TRPM7: variants seen among roughly 807,000 people sequenced by gnomAD.
TRPM7 encodes the protein LTRPC ion channel family member 7.
A neutral mutation model predicts 229.7 loss-of-function variants in TRPM7; 134 were observed. That is an observed-to-expected ratio of 0.58 (90% CI 0.51 to 0.67). The LOEUF is 0.67. Ranked by LOEUF, TRPM7 falls within the 30% of genes least tolerant of loss-of-function variation. The pLI, the probability that TRPM7 is intolerant of heterozygous loss-of-function variation, is 0.00. For missense variants in TRPM7, 1,901 were observed against 2,210.0 expected (o/e 0.86, Z 2.80); for synonymous variants, 699 against 715.2 (o/e 0.98, Z 0.36).
At chr15:50,660,780 T>C (rs2140911021) in intron 2 of TRPM7, among the ~76,000 whole-genome samples, 1 of 152,322 alleles carries the variant, frequency 6.6e-6, no homozygotes, top group South Asian at 2.1e-4. Flanking sequence ...ATTCCTTTAA[T>C]ACTTTTCAAA....
chr15:50,646,703 A>T (rs1477290021), intron 4 of TRPM7, among the ~76,000 whole-genome samples: 1 of 152,198 alleles, frequency 6.6e-6, no homozygotes, highest in Non-Finnish European at 1.5e-5. Context: ...CAAATATTCC[A>T]AAGGTTCCTG....
intron 1 of TRPM7, among the ~76,000 whole-genome samples, chr15:50,675,327 G>C (rs1207409158): frequency 4.0e-5 from 6 of 149,872 alleles, no homozygotes; most frequent in Non-Finnish European, 7.4e-5. Context: ...CAGGCGACAA[G>C]AGCAAAATTC....
intron 1 of TRPM7, among the ~76,000 whole-genome samples, chr15:50,685,796 G>A (rs2062345869): frequency 6.6e-6 from 1 of 152,056 alleles, no homozygotes; most frequent in South Asian, 2.1e-4. Flanking sequence ...TCTCCATTCC[G>A]CACCTTTCGG....
rs545626307 is a variant in TRPM7 at position 50,669,963 on chromosome 15, G to A, written c.4-6917C>T. 5.3e-5 allele frequency among the ~76,000 whole-genome samples: 8 copies of A among 152,246 alleles called. No homozygotes were observed. In the South Asian group the frequency reaches 1.7e-3, roughly 32 times the overall value. On this transcript the variant is annotated intron_variant, in intron 1 of 38. Transcript: ENST00000646667. Reference sequence around the variant, plus strand: ...TTGCTTTACTGTTATGGAATACATTGCTGTTGTACTCTTTGTATAGGAATG... The same window carrying A: ...TTGCTTTACTGTTATGGAATACATTACTGTTGTACTCTTTGTATAGGAATG...
chr15:50,659,475 T>C (rs1321705503), intron 2 of TRPM7, among the ~76,000 whole-genome samples: 2 of 152,142 alleles, frequency 1.3e-5, no homozygotes, highest in South Asian at 4.1e-4. Context: ...CCTATTCATA[T>C]AAAATTAAGA....
chr15:50,564,779 T>C (rs184218739), intron 38 of TRPM7, among the ~76,000 whole-genome samples: 74 of 152,216 alleles, frequency 4.9e-4, no homozygotes, highest in African/African-American at 1.6e-3. Context: ...CCAAACATAT[T>C]TGCAACTATA....
chr15:50,668,843 G>T (rs2061935509), intron 1 of TRPM7, among the ~76,000 whole-genome samples: 1 of 152,120 alleles, frequency 6.6e-6, no homozygotes, highest in Admixed American at 6.6e-5. Context: ...GTAAGAATCG[G>T]TTTTCTCTTG....
intron 15 of TRPM7, 127 bp downstream of exon 15, chr15:50,613,580 C>A: frequency 7.4e-5 from 43 of 579,742 alleles, no homozygotes; most frequent in East Asian, 1.0e-4. Context: ...AATGACAATT[C>A]TAGGACATAT....
chr15:50,617,246 A>G (rs1245106745), intron 13 of TRPM7, among the ~76,000 whole-genome samples: 3 of 151,744 alleles, frequency 2.0e-5, no homozygotes, highest in African/African-American at 7.3e-5. Flanking sequence ...CTGATAGGAG[A>G]ATTGCTTGAA....
At chr15:50,613,501 C>CAAAAAA (rs67505794) in intron 15 of TRPM7, among the ~76,000 whole-genome samples, 2 of 62,820 alleles carry the variant, frequency 3.2e-5, no homozygotes, top group Non-Finnish European at 5.7e-5. Context: ...ACTCCTGTCT[C>CAAAAAA]AAAAAAAAAA....
At chr15:50,580,963 G>C in intron 29 of TRPM7, 55 bp from the exon 30 acceptor site, 2 of 1,535,836 alleles carry the variant, frequency 1.3e-6, no homozygotes, top group Non-Finnish European at 1.7e-6. Flanking sequence ...AAAATCTCTA[G>C]ATGAAGCATA....
chr15:50,625,096 T>G (rs10519283), intron 11 of TRPM7, among the ~76,000 whole-genome samples: 22,239 of 152,188 alleles, frequency 0.15, 2,213 homozygotes, highest in Admixed American at 0.28. Context: ...ATTGGTAAAT[T>G]AGTAGGGACA....
chr15:50,602,878 T>C (rs2140423699), intron 21 of TRPM7, among the ~76,000 whole-genome samples: 1 of 152,194 alleles, frequency 6.6e-6, no homozygotes, highest in South Asian at 2.1e-4. Context: ...CAGAGGGTGG[T>C]TCTAGAGAAG....
In TRPM7 at chr15:50,560,044, C is replaced by T. The variant is rs1335153785; in HGVS notation, c.*1634G>A. 1 of 146,566 alleles carries T rather than the reference C, an allele frequency of 6.8e-6. No individual in the cohort carries two copies. The highest frequency in any genetic ancestry group is 2.0e-4 in the East Asian group (1 of 5,002). 9.1% of individuals were successfully genotyped at this position (146,566 alleles called of 1,614,324 possible). On this transcript the variant is annotated 3_prime_UTR_variant, in exon 39 of 39. Transcript: ENST00000646667. ...AAAAAAAAAAAAAAAAGTATAGCTA[C>T]TATTATAATCCTGTGAAAATAATCA...
chr15:50,626,171 T>C (rs1408983377), intron 11 of TRPM7, among the ~76,000 whole-genome samples: 1 of 152,206 alleles, frequency 6.6e-6, no homozygotes, highest in Non-Finnish European at 1.5e-5. Flanking sequence ...ATGTGTTTTA[T>C]ATTGCCACTC....
intron 29 of TRPM7, 129 bp downstream of exon 29, chr15:50,582,960 A>C (rs1472309109): frequency 9.3e-6 from 5 of 540,064 alleles, no homozygotes; most frequent in Non-Finnish European, 6.0e-6. Flanking sequence ...ACTATGCTAA[A>C]GTCAGTTTTC....
chr15:50,603,329 T>G (rs1189020279), intron 21 of TRPM7, among the ~76,000 whole-genome samples: 1 of 151,886 alleles, frequency 6.6e-6, no homozygotes, highest in Non-Finnish European at 1.5e-5. Flanking sequence ...TTTTTTTAAT[T>G]ATTATACTTT....
chr15:50,685,325 AT>A (rs2062333345), intron 1 of TRPM7, among the ~76,000 whole-genome samples: 1 of 152,186 alleles, frequency 6.6e-6, no homozygotes. Context: ...TTAGCCGGGC[AT>A]GGTGGCTACA....
chr15:50,678,897 G>C (rs552321130), intron 1 of TRPM7, among the ~76,000 whole-genome samples: 4 of 151,916 alleles, frequency 2.6e-5, no homozygotes, highest in African/African-American at 9.7e-5. Context: ...TTTTTGAGAC[G>C]AAGTCTCGCT....
Sources: allele counts gnomAD v4.1 joint callset (sites outside exome capture counted in the v4.1 genomes callset), GRCh38; gene constraint gnomAD v4.1.1; transcripts MANE v1.5; gene names NCBI Gene and HGNC (gene_info 2026-07-23, HGNC 2026-07-21).